The following MBNL2 variants were observed in gnomAD, a reference collection of about 807,000 sequenced individuals.
The protein encoded by MBNL2 is muscleblind like splicing regulator 2, also known as muscleblind-like protein 2.
Under a neutral mutation model 41.9 loss-of-function variants are expected in MBNL2, and 17 were observed. That is an observed-to-expected ratio of 0.41 (90% CI 0.28 to 0.61). The LOEUF is 0.61. Among genes scored for constraint, MBNL2 ranks in the 20% least tolerant of loss-of-function variants. MBNL2 has a pLI of 0.35. For missense variants in MBNL2, 336 were observed against 505.6 expected, an observed-to-expected ratio of 0.66 and a Z score of 3.22; for synonymous variants, 195 against 182.9, an observed-to-expected ratio of 1.07 and a Z score of -0.53.
At chr13:97,262,631 A>G (rs1323558895) in intron 1 of MBNL2, among the ~76,000 whole-genome samples, 1 of 152,134 alleles carries the variant, frequency 6.6e-6, no homozygotes, top group Non-Finnish European at 1.5e-5. Flanking sequence ...TTCCATGGCC[A>G]TGAACTCCAA....
chr13:97,190,838 C>T, the MBNL2 span, among the ~76,000 whole-genome samples: 1 of 152,152 alleles, frequency 6.6e-6, no homozygotes, highest in Non-Finnish European at 1.5e-5. Flanking sequence ...TTTATAGGCA[C>T]TAGAATACAT....
chr13:97,253,760 G>A (rs917989820), intron 1 of MBNL2, among the ~76,000 whole-genome samples: 23 of 131,422 alleles, frequency 1.8e-4, no homozygotes, highest in East Asian at 4.0e-4. Flanking sequence ...TTATTAATAC[G>A]TATTAATTTA....
At chr13:97,339,905 T>G (rs1166350613) in intron 3 of MBNL2, among the ~76,000 whole-genome samples, 1 of 151,190 alleles carries the variant, frequency 6.6e-6, no homozygotes, top group African/African-American at 2.4e-5. Flanking sequence ...TCTTTTGTTT[T>G]AAGAAATAAC....
intron 2 of MBNL2, among the ~76,000 whole-genome samples, chr13:97,327,921 GTGATGA>G (rs1457674972): frequency 1.3e-5 from 2 of 152,120 alleles, no homozygotes; most frequent in South Asian, 4.1e-4. Flanking sequence ...AATAGTAATA[GTGATGA>G]TGATGATGAT....
chr13:97,172,303 C>T, the MBNL2 span, among the ~76,000 whole-genome samples: 1 of 152,138 alleles, frequency 6.6e-6, no homozygotes, highest in Non-Finnish European at 1.5e-5. Flanking sequence ...TTCCTATTTC[C>T]TCTATTTTGT....
chr13:97,328,410 A>C (rs1214696150), intron 2 of MBNL2, among the ~76,000 whole-genome samples: 1 of 152,092 alleles, frequency 6.6e-6, no homozygotes, highest in African/African-American at 2.4e-5. Context: ...GCTGCGTCTA[A>C]AGCACATGCC....
At chr13:97,188,831 C>T in the MBNL2 span, among the ~76,000 whole-genome samples, 5 of 152,118 alleles carry the variant, frequency 3.3e-5, no homozygotes, top group African/African-American at 9.7e-5. Context: ...TGTCCACTTC[C>T]CCCAACCCAG....
intron 1 of MBNL2, among the ~76,000 whole-genome samples, chr13:97,262,086 T>C (rs760020259): frequency 6.6e-6 from 1 of 152,138 alleles, no homozygotes; most frequent in Non-Finnish European, 1.5e-5. Flanking sequence ...CCCTTAAAAC[T>C]CTCTTTACAA....
upstream of MBNL2, among the ~76,000 whole-genome samples, chr13:97,218,387 G>T (rs1449021743): frequency 6.9e-6 from 1 of 144,792 alleles, no homozygotes; most frequent in Non-Finnish European, 1.5e-5. Context: ...TCCAGCCTGG[G>T]CGACAGAGCG....
At chr13:97,166,832 A>ATAGG in the MBNL2 span, among the ~76,000 whole-genome samples, 3 of 151,188 alleles carry the variant, frequency 2.0e-5, no homozygotes, top group Admixed American at 1.3e-4. Context: ...AGATAGATAG[A>ATAGG]TAGATAGAAA....
chr13:97,343,129 C>G lies in MBNL2; in HGVS notation c.453C>G (p.Thr151=). 2 of 1,614,058 alleles carry G rather than the reference C, an allele frequency of 1.2e-6. No homozygotes were observed. The highest frequency in any genetic ancestry group is 1.7e-6 in the Non-Finnish European group (2 of 1,179,916). ...VGLVPTEILP[T]TPVIVPGSPP... ...TGGTCCCAACGGAAATTCTGCCCAC[C>G]ACGCCTGTTATTGTTCCCGGAAGTC... The change falls in exon 4 of 9, where the codon ACC becomes ACG. Residue 151 remains threonine, a synonymous_variant. Transcript: ENST00000679496.
intron 2 of MBNL2, among the ~76,000 whole-genome samples, chr13:97,283,839 A>G (rs1343134304): frequency 2.6e-5 from 4 of 152,192 alleles, no homozygotes; most frequent in Non-Finnish European, 5.9e-5. Flanking sequence ...TTTCAGGATA[A>G]AAGCAGAACC....
chr13:97,181,734 C>G, the MBNL2 span, among the ~76,000 whole-genome samples: 1 of 152,136 alleles, frequency 6.6e-6, no homozygotes, highest in Non-Finnish European at 1.5e-5. Flanking sequence ...ACAGCTATTC[C>G]TGGTCTTCTC....
chr13:97,342,961 T>G, intron 3 of MBNL2, 55 bp from the exon 4 acceptor site: 2 of 1,157,720 alleles, frequency 1.7e-6, no homozygotes, highest in Non-Finnish European at 2.6e-6. Flanking sequence ...TGCTGGTAAT[T>G]TTTTAAAGTT....
intron 2 of MBNL2, among the ~76,000 whole-genome samples, chr13:97,287,926 T>G (rs183194641): frequency 0.02 from 1,900 of 95,948 alleles, 76 homozygotes; most frequent in African/African-American, 0.059. Flanking sequence ...CTGTTTTTTT[T>G]TTGTTTTGTT....
At chr13:97,147,343 T>C in the MBNL2 span, among the ~76,000 whole-genome samples, 1 of 152,192 alleles carries the variant, frequency 6.6e-6, no homozygotes, top group Non-Finnish European at 1.5e-5. Flanking sequence ...AGAATGTATG[T>C]TCATATTGGC....
chr13:97,195,189 G>A, the MBNL2 span, among the ~76,000 whole-genome samples: 12 of 152,076 alleles, frequency 7.9e-5, no homozygotes, highest in African/African-American at 2.2e-4. Context: ...ATGGAACATC[G>A]TCGTCTCAGG....
rs908869688 is a variant in MBNL2, at chr13:97,278,030, C to T, written c.174+1621C>T. On this transcript the variant is annotated intron_variant, in intron 2 of 8. Coordinates refer to ENST00000679496, the MANE Select transcript of MBNL2 (RefSeq NM_001382683.1). ...CAGCACTCTGGGAGGCTGAAGTGGGCGGATCACGAGATCAGGGGTTTGAGA... is the reference window on the plus strand; with the variant it reads ...CAGCACTCTGGGAGGCTGAAGTGGGTGGATCACGAGATCAGGGGTTTGAGA... Among the ~76,000 whole-genome samples, 5 of 151,912 alleles carry T rather than the reference C, an allele frequency of 3.3e-5. 1 individual carries two copies. The highest frequency in any genetic ancestry group is 1.5e-5 in the Non-Finnish European group (1 of 67,952).
At chr13:97,377,015 A>C (rs1373349123) in intron 8 of MBNL2, among the ~76,000 whole-genome samples, 1 of 152,130 alleles carries the variant, frequency 6.6e-6, no homozygotes, top group African/African-American at 2.4e-5. Context: ...CGGATCGTGT[A>C]AGGGGCCTTG....
Sources: allele counts gnomAD v4.1 joint callset (sites outside exome capture counted in the v4.1 genomes callset), GRCh38; gene constraint gnomAD v4.1.1; transcripts MANE v1.5; gene names NCBI Gene and HGNC (gene_info 2026-07-23, HGNC 2026-07-21).